The following CDC42SE2 variants were observed in gnomAD, a reference collection of about 807,000 sequenced individuals.
The protein encoded by CDC42SE2 is CDC42 small effector protein 2.
CDC42SE2 carries 3 observed loss-of-function variants against 11.5 expected under a neutral mutation model. That is an observed-to-expected ratio of 0.26 (90% CI 0.12 to 0.67). The LOEUF (loss-of-function observed/expected upper bound fraction) is 0.67, where lower values mean the gene tolerates loss of function less well. CDC42SE2 is among the 30% of genes least tolerant of loss of function. CDC42SE2 has a pLI of 0.80. For missense variants in CDC42SE2, 82 were observed against 106.8 expected (o/e 0.77, Z 1.02); for synonymous variants, 33 against 34.8 (o/e 0.95, Z 0.18).
At chr5:131,299,111 A>T (rs1279781107) in intron 1 of CDC42SE2, among the ~76,000 whole-genome samples, 3 of 152,168 alleles carry the variant, frequency 2.0e-5, no homozygotes, top group African/African-American at 7.2e-5. Flanking sequence ...TATCAAATGG[A>T]AGAGGTAGTA....
chr5:131,322,181 GAC>G (rs1261089262), intron 2 of CDC42SE2, among the ~76,000 whole-genome samples: 19 of 152,050 alleles, frequency 1.2e-4, no homozygotes, highest in Admixed American at 1.0e-3. Context: ...AGTGGTAAAA[GAC>G]ACATAAAATT....
chr5:131,288,316 C>G (rs1323483966), intron 1 of CDC42SE2, among the ~76,000 whole-genome samples: 1 of 152,008 alleles, frequency 6.6e-6, no homozygotes, highest in Non-Finnish European at 1.5e-5. Flanking sequence ...AGATGTTACA[C>G]TTTTTAGTTC....
At chr5:131,281,857 GTTAAGTGAGAGTAATACAT>G (rs1757243962) in intron 1 of CDC42SE2, among the ~76,000 whole-genome samples, 1 of 152,156 alleles carries the variant, frequency 6.6e-6, no homozygotes, top group Non-Finnish European at 1.5e-5. Context: ...TTCCTTTTCA[GTTAAGTGAGAGTAATACAT>G]TTGTTAGGAT....
chr5:131,335,483 C>T lies in CDC42SE2; in HGVS notation c.-286+19339C>T, dbSNP rs562459602. On this transcript the variant is annotated intron_variant, in intron 2 of 4. Coordinates refer to ENST00000505065, the MANE Select transcript of CDC42SE2 (RefSeq NM_001375635.1). ...AGAGTTCTGTAGATGTCTATTAGGT[C>T]GGCTTGGTGCAGAGCTGAGTTCAAT... Among the ~76,000 whole-genome samples the T allele has an allele frequency of 4.5e-4, 69 of 152,216 alleles. 1 individual carries two copies. In the South Asian group the frequency reaches 0.011, roughly 24 times the overall value.
intron 2 of CDC42SE2, among the ~76,000 whole-genome samples, chr5:131,341,898 T>A (rs245800): frequency 0.46 from 62,753 of 136,302 alleles, 16,637 homozygotes; most frequent in African/African-American, 0.78. Context: ...CTTGTCTCAA[T>A]AAAAAAAAAA....
intron 2 of CDC42SE2, among the ~76,000 whole-genome samples, chr5:131,257,653 A>G (rs947293508): frequency 6.6e-6 from 1 of 151,436 alleles, no homozygotes; most frequent in Non-Finnish European, 1.5e-5. Flanking sequence ...AATTTTTTGT[A>G]TTTTAGTAGA....
chr5:131,276,790 C>T (rs754115547), intron 1 of CDC42SE2, among the ~76,000 whole-genome samples: 5 of 149,250 alleles, frequency 3.4e-5, no homozygotes, highest in Non-Finnish European at 5.9e-5. Flanking sequence ...TGTAGTGGTG[C>T]AATTTTGGTT....
intron 3 of CDC42SE2, among the ~76,000 whole-genome samples, chr5:131,371,248 A>G (rs1750006044): frequency 6.6e-6 from 1 of 152,066 alleles, no homozygotes; most frequent in Admixed American, 6.6e-5. Flanking sequence ...CATCCTCTCA[A>G]ACTTGTTCAT....
At chr5:131,216,203 A>T in the CDC42SE2 span, among the ~76,000 whole-genome samples, 1 of 152,218 alleles carries the variant, frequency 6.6e-6, no homozygotes, top group Non-Finnish European at 1.5e-5. Flanking sequence ...GGCCCAGCAC[A>T]GTAGCTCACG....
intron 2 of CDC42SE2, among the ~76,000 whole-genome samples, chr5:131,258,430 T>TA (rs1019339703): frequency 3.9e-5 from 6 of 152,210 alleles, no homozygotes; most frequent in Admixed American, 1.3e-4. Flanking sequence ...CTTGGTTACT[T>TA]AGTCTGTAAC....
chr5:131,377,174 ATT>A (rs35859756), intron 3 of CDC42SE2, among the ~76,000 whole-genome samples: 66 of 139,046 alleles, frequency 4.7e-4, no homozygotes, highest in East Asian at 1.7e-3. Context: ...ACTATATGTA[ATT>A]TTTTTTTTTT....
chr5:131,213,895 T>C, the CDC42SE2 span, among the ~76,000 whole-genome samples: 1 of 152,182 alleles, frequency 6.6e-6, no homozygotes, highest in Admixed American at 6.5e-5. Context: ...TCTGCTATAA[T>C]CTTTTCCCCA....
At chr5:131,364,695 C>G (rs1561599903) in intron 3 of CDC42SE2, among the ~76,000 whole-genome samples, 1 of 152,228 alleles carries the variant, frequency 6.6e-6, no homozygotes, top group East Asian at 1.9e-4. Context: ...GCCTCCTCAG[C>G]TGTCTGGAGT....
chr5:131,237,509 T>G, the CDC42SE2 span, among the ~76,000 whole-genome samples: 1 of 152,226 alleles, frequency 6.6e-6, no homozygotes, highest in Non-Finnish European at 1.5e-5. Flanking sequence ...GTTTCTTTCT[T>G]TTTTAGGAAT....
chr5:131,305,052 G>A (rs1406533995), intron 1 of CDC42SE2, among the ~76,000 whole-genome samples: 3 of 151,932 alleles, frequency 2.0e-5, no homozygotes, highest in Non-Finnish European at 2.9e-5. Context: ...TAGGAGATTA[G>A]CTGATCTGCT....
the CDC42SE2 span, among the ~76,000 whole-genome samples, chr5:131,232,607 G>A: frequency 3.8e-4 from 58 of 151,624 alleles, no homozygotes; most frequent in African/African-American, 1.2e-3. Context: ...GTTGGCGGGC[G>A]CCTGTAATCC....
chr5:131,248,483 A>AT (rs1268733461), intron 1 of CDC42SE2, among the ~76,000 whole-genome samples: 1 of 152,082 alleles, frequency 6.6e-6, no homozygotes, highest in Non-Finnish European at 1.5e-5. Flanking sequence ...TTCCCCTGTC[A>AT]TTTTTTCTGT....
rs1750768512 is a variant in CDC42SE2 at position 131,393,976 on chromosome 5, T to C, written c.*2885T>C. 6.6e-6 allele frequency: 1 copy of C among 152,166 alleles called. No individual in the cohort carries two copies. The highest frequency in any genetic ancestry group is 6.6e-5 in the Admixed American group (1 of 15,242). The allele number at this position is 152,166 out of a possible 1,614,324, so 9.4% of individuals were successfully genotyped here. On this transcript the variant is annotated 3_prime_UTR_variant, in exon 5 of 5. Transcript: ENST00000505065. Reference sequence around the variant, plus strand: ...TAACTACACTTTATACAGGAGCACATGCCAAAGTGCCTGGGAGGTGCCAAT... The same window carrying C: ...TAACTACACTTTATACAGGAGCACACGCCAAAGTGCCTGGGAGGTGCCAAT...
chr5:131,382,738 A>G (rs1421044151), intron 3 of CDC42SE2, among the ~76,000 whole-genome samples: 1 of 152,200 alleles, frequency 6.6e-6, no homozygotes, highest in African/African-American at 2.4e-5. Flanking sequence ...GAACTGTGAC[A>G]AGAACCTAGA....
Sources: allele counts gnomAD v4.1 joint callset (sites outside exome capture counted in the v4.1 genomes callset), GRCh38; gene constraint gnomAD v4.1.1; transcripts MANE v1.5; gene names NCBI Gene and HGNC (gene_info 2026-07-23, HGNC 2026-07-21).